The following SUMF1 variants were observed in gnomAD, a reference collection of about 807,000 sequenced individuals.
SUMF1 encodes sulfatase modifying factor 1, also known as formylglycine-generating enzyme.
Under a neutral mutation model 47.6 loss-of-function variants are expected in SUMF1, and 48 were observed. The ratio of observed to expected loss-of-function variants is 1.01; its 90% confidence interval spans 0.80 to 1.28. The LOEUF is 1.28. Among genes scored for constraint, SUMF1 ranks in the 50% most tolerant of loss-of-function variants. SUMF1 has a pLI of 0.00. For synonymous variants in SUMF1, 230 were observed against 192.1 expected (o/e 1.20, Z -1.63); for missense variants, 571 against 485.4 (o/e 1.18, Z -1.66).
At chr3:4,449,421 T>A in intron 2 of SUMF1, 81 bp from the exon 3 acceptor site, 2 of 1,340,026 alleles carry the variant, frequency 1.5e-6, no homozygotes, top group Non-Finnish European at 2.1e-6. Context: ...TCCACACTAT[T>A]AAAGTGATTC....
At chr3:4,273,272 C>G (rs1697339748) in intron 8 of SUMF1, among the ~76,000 whole-genome samples, 1 of 151,876 alleles carries the variant, frequency 6.6e-6, no homozygotes, top group Non-Finnish European at 1.5e-5. Context: ...GGAAACATTC[C>G]AAGTTCTATC....
At chr3:4,408,373 T>C (rs1226280457) in intron 7 of SUMF1, among the ~76,000 whole-genome samples, 1 of 152,242 alleles carries the variant, frequency 6.6e-6, no homozygotes, top group Non-Finnish European at 1.5e-5. Flanking sequence ...ACTGTTAACA[T>C]TATGTAGTAG....
At position 4,103,778 on chromosome 3, in the gene SUMF1, A is replaced by G. The variant is rs533825098; in HGVS notation, c.1015-35033T>C. 2.6e-5 allele frequency among the ~76,000 whole-genome samples: 4 copies of G among 152,266 alleles called. No homozygotes were observed. In the South Asian group the frequency reaches 8.3e-4, roughly 32 times the overall value. ...CCATGATTACGTCCTCTCTACAGAT[A>G]AGAAAACTGAACAGAGGCCAAGAAC... On this transcript the variant is annotated intron_variant and NMD_transcript_variant, in intron 8 of 12. Transcript: ENST00000448413.
At chr3:4,430,935 C>T (rs1166029471) in intron 3 of SUMF1, among the ~76,000 whole-genome samples, 2 of 152,102 alleles carry the variant, frequency 1.3e-5, no homozygotes, top group South Asian at 2.1e-4. Context: ...TGGGCATCAA[C>T]ATTTTTTGTT....
intron 8 of SUMF1, among the ~76,000 whole-genome samples, chr3:4,135,167 A>C (rs572833967): frequency 3.3e-5 from 5 of 152,138 alleles, no homozygotes; most frequent in African/African-American, 9.6e-5. Flanking sequence ...GAGACACAAC[A>C]AAAAAAGAGA....
Position 4,263,762 on chromosome 3 carries a change from AC to A in SUMF1, c.1014+112567del, listed in dbSNP as rs1697134079. ...TTAATACTGAAGGCATATTATGAATACTCCTCTCTGACCCTTATTCCATTCT... is the reference window on the plus strand; with the variant it reads ...TTAATACTGAAGGCATATTATGAATATCCTCTCTGACCCTTATTCCATTCT... On this transcript the variant is annotated intron_variant and NMD_transcript_variant, in intron 8 of 12. Transcript: ENST00000448413. Among the ~76,000 whole-genome samples the A allele has an allele frequency of 3.9e-5, 6 of 152,192 alleles. No homozygotes were observed. In the South Asian group the frequency reaches 1.0e-3, roughly 26 times the overall value.
intron 9 of SUMF1, among the ~76,000 whole-genome samples, chr3:4,043,241 C>T (rs1694942650): frequency 6.6e-6 from 1 of 152,240 alleles, no homozygotes; most frequent in East Asian, 1.9e-4. Flanking sequence ...ACAACAGCTT[C>T]CTGCTATTGC....
rs1696441054 is a variant in SUMF1, at chr3:4,237,785, C to T, written c.1014+138545G>A. Among the ~76,000 whole-genome samples the T allele has an allele frequency of 2.6e-5, 4 of 151,204 alleles. No individual in the cohort carries two copies. The South Asian group carries it at 8.4e-4, about 32-fold the overall frequency. ...TTGCATTTTACACATAGATCTATAG[C>T]CCATTTTTTAAATACTTTAAGTGCT... is the stretch of plus-strand genomic sequence containing the variant. On this transcript the variant is annotated intron_variant and NMD_transcript_variant, in intron 8 of 12. Transcript: ENST00000448413.
chr3:4,353,362 C>T (rs1320891268), intron 8 of SUMF1, among the ~76,000 whole-genome samples: 4 of 152,140 alleles, frequency 2.6e-5, no homozygotes, highest in Non-Finnish European at 4.4e-5. Flanking sequence ...ACACCATTCT[C>T]CTGCCTCAGC....
intron 8 of SUMF1, among the ~76,000 whole-genome samples, chr3:4,187,930 C>T (rs151304411): frequency 9.9e-5 from 15 of 152,248 alleles, no homozygotes; most frequent in South Asian, 8.3e-4. Flanking sequence ...GTTACTGTTT[C>T]GTAATGACAT....
rs931491534 is a variant in SUMF1 at position 4,154,261 on chromosome 3, T to C, written c.1015-85516A>G. On this transcript the variant is annotated intron_variant and NMD_transcript_variant, in intron 8 of 12. Coordinates refer to the SUMF1 transcript ENST00000448413. ...TTCTGGGTCTGAATTACAGTGTTTTTATTCTCCTTCACAACCATCACATAA... is the reference window on the plus strand; with the variant it reads ...TTCTGGGTCTGAATTACAGTGTTTTCATTCTCCTTCACAACCATCACATAA... 3.3e-5 allele frequency among the ~76,000 whole-genome samples: 5 copies of C among 151,616 alleles called. No homozygotes were observed. In the South Asian group the frequency reaches 1.0e-3, roughly 31 times the overall value.
chr3:4,417,017 C>A lies in SUMF1; in HGVS notation c.840+111G>T, dbSNP rs570447964. On this transcript the variant is annotated intron_variant, in intron 6 of 8. Coordinates refer to ENST00000272902, the MANE Select transcript of SUMF1 (RefSeq NM_182760.4). ...CTACGTGCAACAGTGAATGCATACA[C>A]GAAGGGAACACCGTGTGAGTCACAA... 6 of 991,816 alleles carry A rather than the reference C, an allele frequency of 6.0e-6. No individual in the cohort carries two copies. The African/African-American group carries it at 6.3e-5, about 10-fold the overall frequency. The allele number at this position is 991,816 out of a possible 1,614,324, so 61.4% of individuals were successfully genotyped here.
At chr3:4,113,269 C>G (rs1012902840) in intron 8 of SUMF1, among the ~76,000 whole-genome samples, 4 of 152,082 alleles carry the variant, frequency 2.6e-5, no homozygotes, top group African/African-American at 9.7e-5. Flanking sequence ...TAGCTCATAC[C>G]TGTAATCTCA....
chr3:4,216,135 A>T (rs1695918844), intron 8 of SUMF1, among the ~76,000 whole-genome samples: 1 of 152,212 alleles, frequency 6.6e-6, no homozygotes. Context: ...GCCTGACTTC[A>T]AACTATATTA....
At chr3:4,356,409 TCCGTGGGGACAG>T (rs1699618314), downstream of SUMF1, among the ~76,000 whole-genome samples, 1 of 151,720 alleles carries the variant, frequency 6.6e-6, no homozygotes, top group South Asian at 2.1e-4. Context: ...TAAATGGTTT[TCCGTGGGGACAG>T]CGTGGGGACA....
intron 8 of SUMF1, among the ~76,000 whole-genome samples, chr3:4,327,149 A>G (rs1698962851): frequency 6.6e-6 from 1 of 152,240 alleles, no homozygotes; most frequent in Non-Finnish European, 1.5e-5. Context: ...AAAAAAACAC[A>G]AAAATATCAG....
chr3:4,063,800 T>C (rs1201561906), intron 9 of SUMF1, among the ~76,000 whole-genome samples: 2 of 152,220 alleles, frequency 1.3e-5, no homozygotes, highest in South Asian at 2.1e-4. Flanking sequence ...AATGTCATCA[T>C]ATCATATACC....
chr3:4,456,999 T>TATATATATACGTGTGTGTAC (rs2079664453), intron 1 of SUMF1, among the ~76,000 whole-genome samples: 28 of 133,784 alleles, frequency 2.1e-4, no homozygotes, highest in Admixed American at 7.1e-4. Context: ...TACGTGTGTG[T>TATATATATACGTGTGTGTAC]ATATATATAC....
intron 7 of SUMF1, among the ~76,000 whole-genome samples, chr3:4,382,336 G>GCACACACACACACCA (rs1553566050): frequency 1.3e-5 from 2 of 149,454 alleles, no homozygotes; most frequent in South Asian, 4.2e-4. Context: ...ACACATACAT[G>GCACACACACACACCA]CACACACACA....
Sources: gnomAD v4.1 joint callset for allele counts (sites outside exome capture counted in the v4.1 genomes callset) on GRCh38, gnomAD v4.1.1 for gene constraint, MANE v1.5 for transcripts, NCBI Gene and HGNC (gene_info 2026-07-23, HGNC 2026-07-21) for gene names.